Variants in LDLRAD3 observed in about 807,000 individuals in gnomAD.
LDLRAD3 encodes low density lipoprotein receptor class A domain containing 3.
In LDLRAD3, 20 loss-of-function variants were observed where a neutral mutation model predicts 29.4. The observed-to-expected ratio is 0.68, with a 90% CI of 0.48 to 0.99. LDLRAD3 has a LOEUF of 0.99. Among genes scored for constraint, LDLRAD3 ranks in the 50% least tolerant of loss-of-function variants. The pLI is 0.00. For synonymous variants in LDLRAD3, 157 were observed against 192.7 expected (o/e 0.81, Z 1.53); for missense variants, 420 against 454.3 (o/e 0.92, Z 0.69).
chr11:36,139,665 G>A (rs75125790), intron 4 of LDLRAD3, among the ~76,000 whole-genome samples: 13 of 152,278 alleles, frequency 8.5e-5, no homozygotes, highest in African/African-American at 2.6e-4. Context: ...AAACCTGTGC[G>A]CTTCCCCATA....
chr11:35,957,055 A>G (rs2133130890), intron 1 of LDLRAD3, among the ~76,000 whole-genome samples: 1 of 152,360 alleles, frequency 6.6e-6, no homozygotes, highest in African/African-American at 2.4e-5. Context: ...ACCTGGCCAC[A>G]CTTTATTTAT....
intron 1 of LDLRAD3, among the ~76,000 whole-genome samples, chr11:36,006,785 G>C (rs1851890974): frequency 6.6e-6 from 1 of 152,274 alleles, no homozygotes; most frequent in Non-Finnish European, 1.5e-5. Context: ...GTGCTCCACT[G>C]TTATCACACA....
intron 1 of LDLRAD3, among the ~76,000 whole-genome samples, chr11:36,026,098 T>A (rs1177319700): frequency 6.6e-6 from 1 of 152,140 alleles, no homozygotes; most frequent in African/African-American, 2.4e-5. Context: ...GATATTTACC[T>A]CTCCTGTACA....
chr11:36,054,528 A>G (rs955659583), intron 2 of LDLRAD3, among the ~76,000 whole-genome samples: 1 of 152,256 alleles, frequency 6.6e-6, no homozygotes, highest in African/African-American at 2.4e-5. Context: ...TCTAAATAGA[A>G]ACATGCCCTC....
intron 1 of LDLRAD3, among the ~76,000 whole-genome samples, chr11:35,959,610 A>G (rs950664911): frequency 2.6e-5 from 4 of 152,168 alleles, no homozygotes; most frequent in Non-Finnish European, 5.9e-5. Context: ...TGTCATTATA[A>G]TTCAGGCTTT....
chr11:36,054,979 A>G (rs1342206672), intron 2 of LDLRAD3, among the ~76,000 whole-genome samples: 3 of 117,696 alleles, frequency 2.5e-5, no homozygotes, highest in Admixed American at 2.0e-4. Flanking sequence ...GCATGGATGG[A>G]TGGATGGATG....
In LDLRAD3 at chr11:36,209,353, C is replaced by CTTTTTTT. The variant is rs71044560; in HGVS notation, c.455-17714_455-17708dup. On this transcript the variant is annotated intron_variant, in intron 4 of 5. Coordinates refer to ENST00000315571, the MANE Select transcript of LDLRAD3 (RefSeq NM_174902.4). The stretch of plus-strand genomic sequence containing the variant: ...AGATGAAGGATTTGCAGAAACTGTA[C>CTTTTTTT]TTTTTTTTTTTTTTTTTTTTTTTTG... Among the ~76,000 whole-genome samples the CTTTTTTT allele has an allele frequency of 6.3e-4, 43 of 68,598 alleles. 1 individual carries two copies. The highest frequency in any genetic ancestry group is 3.0e-3 in the East Asian group (7 of 2,310). The allele number at this position is 68,598 out of a possible 152,430, so 45.0% of individuals were successfully genotyped here.
chr11:35,963,206 A>C (rs1449610389), intron 1 of LDLRAD3, among the ~76,000 whole-genome samples: 1 of 152,236 alleles, frequency 6.6e-6, no homozygotes, highest in Non-Finnish European at 1.5e-5. Flanking sequence ...ACGGTCCCAT[A>C]GATAGTTTTT....
intron 1 of LDLRAD3, among the ~76,000 whole-genome samples, chr11:35,970,911 C>A (rs922816360): frequency 2.6e-5 from 4 of 152,124 alleles, no homozygotes; most frequent in African/African-American, 7.2e-5. Context: ...TCTGGGGGAA[C>A]CTTTACCTTT....
chr11:36,146,317 A>G (rs2133322639), intron 4 of LDLRAD3, among the ~76,000 whole-genome samples: 1 of 152,360 alleles, frequency 6.6e-6, no homozygotes, highest in Admixed American at 6.5e-5. Flanking sequence ...ATAATCCATC[A>G]GTGATAAGAG....
At chr11:36,127,454 G>A (rs1853854606) in intron 4 of LDLRAD3, among the ~76,000 whole-genome samples, 1 of 152,116 alleles carries the variant, frequency 6.6e-6, no homozygotes, top group African/African-American at 2.4e-5. Flanking sequence ...TGTAAAATTG[G>A]GGTACTAGCC....
intron 2 of LDLRAD3, among the ~76,000 whole-genome samples, chr11:36,041,078 T>G (rs1041586117): frequency 6.6e-6 from 1 of 152,176 alleles, no homozygotes; most frequent in Non-Finnish European, 1.5e-5. Flanking sequence ...TATATTTCTG[T>G]TCTTGGTTAG....
intron 1 of LDLRAD3, among the ~76,000 whole-genome samples, chr11:35,947,308 A>G (rs1343695884): frequency 6.6e-6 from 1 of 151,484 alleles, no homozygotes; most frequent in Non-Finnish European, 1.5e-5. Context: ...CAGGAGTTTG[A>G]GACCAGCCTG....
At chr11:36,141,755 C>A (rs1854090228) in intron 4 of LDLRAD3, among the ~76,000 whole-genome samples, 1 of 152,294 alleles carries the variant, frequency 6.6e-6, no homozygotes, top group East Asian at 1.9e-4. Context: ...CCCGAGCAGA[C>A]AAGCAGGCTC....
intron 4 of LDLRAD3, among the ~76,000 whole-genome samples, chr11:36,207,796 A>G (rs999579530): frequency 6.6e-6 from 1 of 152,184 alleles, no homozygotes; most frequent in South Asian, 2.1e-4. Flanking sequence ...TGTCCACCAC[A>G]CTGGGGAAGG....
intron 2 of LDLRAD3, among the ~76,000 whole-genome samples, chr11:36,081,281 A>G (rs568095737): frequency 2.0e-5 from 3 of 152,312 alleles, no homozygotes; most frequent in African/African-American, 7.2e-5. Flanking sequence ...CTGAATGTTG[A>G]TTACAGTTCC....
intron 1 of LDLRAD3, among the ~76,000 whole-genome samples, chr11:36,012,285 G>A (rs1299820801): frequency 6.6e-6 from 1 of 152,078 alleles, no homozygotes; most frequent in East Asian, 1.9e-4. Context: ...TATAACTTTT[G>A]CAGTTTGAGG....
At chr11:36,087,015 C>T (rs1163744900) in intron 3 of LDLRAD3, among the ~76,000 whole-genome samples, 1 of 152,144 alleles carries the variant, frequency 6.6e-6, no homozygotes, top group African/African-American at 2.4e-5. Context: ...CTAAATCTAA[C>T]CATTAGTTTA....
At chr11:36,096,160 CCT>C (rs1853357446) in intron 3 of LDLRAD3, among the ~76,000 whole-genome samples, 1 of 152,224 alleles carries the variant, frequency 6.6e-6, no homozygotes, top group Non-Finnish European at 1.5e-5. Flanking sequence ...CATTTCCCCA[CCT>C]CTCTGACCTT....
Sources: gnomAD v4.1 joint callset for allele counts (sites outside exome capture counted in the v4.1 genomes callset) on GRCh38, gnomAD v4.1.1 for gene constraint, MANE v1.5 for transcripts, NCBI Gene and HGNC (gene_info 2026-07-23, HGNC 2026-07-21) for gene names.